Variants in DPP6 observed in about 807,000 individuals in gnomAD.
DPP6 encodes the protein A-type potassium channel modulatory protein DPP6.
A neutral mutation model predicts 122.6 loss-of-function variants in DPP6; 69 were observed. The observed-to-expected ratio is 0.56, with a 90% CI of 0.46 to 0.69. DPP6 has a LOEUF of 0.69. Ranked by LOEUF, DPP6 falls within the 30% of genes least tolerant of loss-of-function variation. The pLI is 0.00. For missense variants in DPP6, 928 were observed against 1,116.9 expected (o/e 0.83, Z 2.41); for synonymous variants, 418 against 433.1 (o/e 0.97, Z 0.43).
upstream of DPP6, among the ~76,000 whole-genome samples, chr7:153,886,645 C>T (rs1312995452): frequency 6.6e-6 from 1 of 152,204 alleles, no homozygotes; most frequent in Non-Finnish European, 1.5e-5. Context: ...CCATTCACTG[C>T]AAGGTCCTCT....
rs866443282 is a variant in DPP6, at chr7:154,023,702, G to A, written c.51+135968G>A. On this transcript the variant is annotated intron_variant, in intron 1 of 25. Transcript: ENST00000404039. The stretch of plus-strand genomic sequence containing the variant: ...TCACCATGTTGGCCAGGCTGGTCTC[G>A]AACTCCTGATCTCAGGTGATTCGCT... Among the ~76,000 whole-genome samples the A allele has an allele frequency of 8.2e-4, 125 of 152,062 alleles. 1 individual carries two copies. Among genetic ancestry groups the A allele is most frequent in the African/African-American group, 2.8e-3 (115 of 41,440 alleles).
intron 1 of DPP6, among the ~76,000 whole-genome samples, chr7:154,291,880 G>T (rs1805234553): frequency 6.6e-6 from 1 of 152,098 alleles, no homozygotes; most frequent in African/African-American, 2.4e-5. Flanking sequence ...GAGAAGAAAA[G>T]CATATTCCAT....
At chr7:154,890,732 A>G (rs1421098449) in intron 25 of DPP6, 2 of 152,328 alleles carry the variant, frequency 1.3e-5, no homozygotes, top group African/African-American at 4.8e-5. Context: ...AGCCAGGCCC[A>G]GCCCCAGGTA....
chr7:154,438,849 C>T (rs1318790129), intron 1 of DPP6, among the ~76,000 whole-genome samples: 1 of 152,150 alleles, frequency 6.6e-6, no homozygotes, highest in Non-Finnish European at 1.5e-5. Context: ...CACCACAAAT[C>T]CTGGAGCAGA....
At chr7:154,500,063 G>A (rs900131110) in intron 3 of DPP6, among the ~76,000 whole-genome samples, 4 of 152,152 alleles carry the variant, frequency 2.6e-5, no homozygotes, top group African/African-American at 9.7e-5. Flanking sequence ...ATCTACCAGA[G>A]AACCTCACTA....
chr7:154,750,716 G>GTGT (rs1449316519), intron 8 of DPP6, among the ~76,000 whole-genome samples: 1 of 152,224 alleles, frequency 6.6e-6, no homozygotes, highest in Non-Finnish European at 1.5e-5. Context: ...CAAGCGTGCC[G>GTGT]TGTGGGAAGG....
intron 16 of DPP6, among the ~76,000 whole-genome samples, chr7:154,836,652 GATTTT>G (rs1049437067): frequency 2.0e-5 from 3 of 152,154 alleles, no homozygotes; most frequent in African/African-American, 7.2e-5. Context: ...GGGAGGAAGA[GATTTT>G]ATTTTAACAA....
At chr7:154,051,740 G>C (rs973254274), upstream of DPP6, among the ~76,000 whole-genome samples, 3 of 150,734 alleles carry the variant, frequency 2.0e-5, no homozygotes, top group Non-Finnish European at 4.4e-5. Context: ...CATCGCCCGC[G>C]AGGGGCGCCT....
chr7:154,472,601 CTCT>C (rs1699307152), intron 2 of DPP6, among the ~76,000 whole-genome samples: 2 of 152,206 alleles, frequency 1.3e-5, no homozygotes, highest in South Asian at 4.1e-4. Context: ...TAAGGCCTTT[CTCT>C]TCTTCAGGGC....
At chr7:154,334,486 C>T (rs1809225423) in intron 1 of DPP6, among the ~76,000 whole-genome samples, 2 of 152,228 alleles carry the variant, frequency 1.3e-5, no homozygotes, top group Admixed American at 1.3e-4. Context: ...GCAAGCGGCA[C>T]TGGCTGCGTG....
In DPP6 at chr7:154,801,413, C is replaced by T; in HGVS notation, c.1358C>T (p.Pro453Leu). 1.9e-6 allele frequency: 3 copies of T among 1,597,054 alleles called. No individual in the cohort carries two copies. Among genetic ancestry groups the T allele is most frequent in the Non-Finnish European group, 1.7e-6 (2 of 1,171,152 alleles). Residue 453 changes from proline to leucine, a missense_variant, in exon 13 of 26, where the codon CCC becomes CTC. By Grantham distance (98) the Pro-to-Leu change is moderately conservative (BLOSUM62 -3). Transcript: ENST00000377770. ...AAGTTTTTCTTCATCAGAGCCATCC[C>T]CCAGGGAGGACGAGGGAAATTCTAT... ...GRKFFFIRAI[P>L]QGGRGKFYHI... is the part of the protein sequence containing the mutation.
intron 1 of DPP6, among the ~76,000 whole-genome samples, chr7:154,112,168 A>G (rs530997800): frequency 1.5e-3 from 231 of 152,294 alleles, no homozygotes; most frequent in African/African-American, 5.3e-3. Flanking sequence ...AGTGGATATC[A>G]TATCACCTGT....
At chr7:154,574,430 GTGTGTGTGTA>G (rs1403169149) in intron 5 of DPP6, among the ~76,000 whole-genome samples, 2 of 124,130 alleles carry the variant, frequency 1.6e-5, no homozygotes, top group African/African-American at 2.9e-5. Context: ...TATATGTGTG[GTGTGTGTGTA>G]TGTGTGTGGT....
intron 1 of DPP6, among the ~76,000 whole-genome samples, chr7:154,323,289 G>C (rs1441523627): frequency 2.0e-5 from 3 of 151,876 alleles, no homozygotes; most frequent in Non-Finnish European, 4.4e-5. Flanking sequence ...AATTGGCACA[G>C]TTGGCTTAAA....
intron 1 of DPP6, among the ~76,000 whole-genome samples, chr7:154,272,701 C>T (rs1803873975): frequency 6.6e-6 from 1 of 152,100 alleles, no homozygotes; most frequent in African/African-American, 2.4e-5. Context: ...GTCCTTAGAC[C>T]ACGGGGGCCT....
intron 1 of DPP6, among the ~76,000 whole-genome samples, chr7:154,294,046 C>T (rs145808699): frequency 1.5e-3 from 223 of 152,264 alleles, no homozygotes; most frequent in African/African-American, 5.1e-3. Context: ...CTTTGGTGCA[C>T]ATAGCCAGTA....
At chr7:154,575,418 G>A (rs1221725239) in intron 5 of DPP6, among the ~76,000 whole-genome samples, 48,848 of 113,270 alleles carry the variant, frequency 0.43, 11,339 homozygotes, top group East Asian at 0.68. Flanking sequence ...GTTTGTGTAT[G>A]TGTGTGTGGT....
chr7:154,817,043 C>T (rs1051019116), intron 16 of DPP6, among the ~76,000 whole-genome samples: 4 of 152,130 alleles, frequency 2.6e-5, no homozygotes, highest in African/African-American at 7.2e-5. Flanking sequence ...CTTCAGGTGC[C>T]CGGAGCTCCC....
chr7:154,380,282 C>T (rs550559692), intron 1 of DPP6, among the ~76,000 whole-genome samples: 19 of 152,254 alleles, frequency 1.2e-4, no homozygotes, highest in Non-Finnish European at 2.4e-4. Flanking sequence ...GGGAAACACA[C>T]GCTGAAGTAT....
Sources: gnomAD v4.1 joint callset for allele counts (sites outside exome capture counted in the v4.1 genomes callset) on GRCh38, gnomAD v4.1.1 for gene constraint, MANE v1.5 for transcripts, NCBI Gene and HGNC (gene_info 2026-07-23, HGNC 2026-07-21) for gene names.